The following PLXDC2 variants were observed in gnomAD, a reference collection of about 807,000 sequenced individuals.
The protein encoded by PLXDC2 is plexin domain-containing protein 2.
A neutral mutation model predicts 68.9 loss-of-function variants in PLXDC2; 40 were observed. The ratio of observed to expected loss-of-function variants is 0.58; its 90% CI spans 0.45 to 0.76. The LOEUF is 0.76. Among genes scored for constraint, PLXDC2 ranks in the 30% least tolerant of loss-of-function variants. The pLI is 0.00. For synonymous variants in PLXDC2, 243 were observed against 234.2 expected (o/e 1.04, Z -0.34); for missense variants, 644 against 661.9 (o/e 0.97, Z 0.30).
In PLXDC2 at chr10:20,282,925, G is replaced by A. The variant is rs200519339; in HGVS notation, c.*3106G>A. The A allele has an allele frequency of 3.9e-5, 6 of 152,254 alleles. No homozygotes were observed. The East Asian group carries it at 7.7e-4, about 20-fold the overall frequency. 9.4% of individuals were successfully genotyped at this position (152,254 alleles called of 1,614,324 possible). The stretch of plus-strand genomic sequence containing the variant: ...TCCAATATTATATCCACTAGCCAAC[G>A]TGGCTTTTGAAATTAAAATTAATTA... On this transcript the variant is annotated 3_prime_UTR_variant, in exon 14 of 14. Coordinates refer to ENST00000377252, the MANE Select transcript of PLXDC2 (RefSeq NM_032812.9).
intron 12 of PLXDC2, among the ~76,000 whole-genome samples, chr10:20,231,877 C>T (rs943045761): frequency 6.6e-6 from 1 of 151,776 alleles, no homozygotes; most frequent in African/African-American, 2.4e-5. Context: ...ATTAACCAGA[C>T]ATAATGGCAT....
chr10:19,970,655 A>G (rs764659095), intron 1 of PLXDC2, among the ~76,000 whole-genome samples: 2 of 152,234 alleles, frequency 1.3e-5, no homozygotes, highest in Non-Finnish European at 2.9e-5. Flanking sequence ...CATTGTGTAA[A>G]CATAAAGACA....
intron 4 of PLXDC2, among the ~76,000 whole-genome samples, chr10:20,076,254 T>C (rs1836447587): frequency 6.6e-6 from 1 of 152,178 alleles, no homozygotes; most frequent in South Asian, 2.1e-4. Flanking sequence ...TTCCCTCAAT[T>C]CCTACTTAAG....
At chr10:19,872,254 A>G (rs1418274439) in intron 1 of PLXDC2, among the ~76,000 whole-genome samples, 1 of 152,242 alleles carries the variant, frequency 6.6e-6, no homozygotes, top group Non-Finnish European at 1.5e-5. Context: ...AGCCCAGGCC[A>G]TTTCATCCCT....
chr10:19,969,305 T>C (rs897533534), intron 1 of PLXDC2, among the ~76,000 whole-genome samples: 1 of 152,218 alleles, frequency 6.6e-6, no homozygotes, highest in Non-Finnish European at 1.5e-5. Context: ...TCGGTTTCTG[T>C]TCAGTGGAAA....
At chr10:20,062,860 A>G (rs1293579604) in intron 3 of PLXDC2, among the ~76,000 whole-genome samples, 1 of 152,162 alleles carries the variant, frequency 6.6e-6, no homozygotes, top group Admixed American at 6.5e-5. Context: ...AAATAAGCCA[A>G]TATACTAGAA....
chr10:20,002,096 G>T, intron 2 of PLXDC2, 110 bp downstream of exon 2: 4 of 1,109,200 alleles, frequency 3.6e-6, no homozygotes, highest in Non-Finnish European at 5.1e-6. Context: ...AGAAATTTTG[G>T]ATTTCTTTTA....
intron 9 of PLXDC2, among the ~76,000 whole-genome samples, chr10:20,180,642 C>T (rs1477142004): frequency 1.3e-5 from 2 of 152,004 alleles, no homozygotes; most frequent in South Asian, 2.1e-4. Flanking sequence ...TTACTGAACT[C>T]TCAAGTAGGG....
chr10:19,905,998 GA>G lies in PLXDC2; in HGVS notation c.112+88818del, dbSNP rs146260310. Among the ~76,000 whole-genome samples, 133 of 144,540 alleles carry G rather than the reference GA, an allele frequency of 9.2e-4. 1 individual carries two copies. The highest frequency in any genetic ancestry group is 1.9e-3 in the African/African-American group (75 of 39,664). 94.8% of individuals were successfully genotyped at this position (144,540 alleles called of 152,430 possible). The stretch of plus-strand genomic sequence containing the variant: ...CTAGTGTTGAAGAGATACAATAGTG[GA>G]AAAAAAAAAACAACTCAAATCTCTG... On this transcript the variant is annotated intron_variant, in intron 1 of 13. Coordinates refer to ENST00000377252, the MANE Select transcript of PLXDC2 (RefSeq NM_032812.9).
Position 20,287,256 on chromosome 10 carries a change from A to G in PLXDC2, c.*7437A>G, listed in dbSNP as rs1836168035. 6.6e-6 allele frequency: 1 copy of G among 152,214 alleles called. No individual in the cohort carries two copies. The highest frequency in any genetic ancestry group is 2.1e-4 in the South Asian group (1 of 4,834). 9.4% of individuals were successfully genotyped at this position (152,214 alleles called of 1,614,324 possible). Reference sequence around the variant, plus strand: ...CATCATGGAGGCCTTTGTCCTAGAGAATTATGTGACTTGCCCTAGAGAATT... The same window carrying G: ...CATCATGGAGGCCTTTGTCCTAGAGGATTATGTGACTTGCCCTAGAGAATT... On this transcript the variant is annotated 3_prime_UTR_variant, in exon 14 of 14. Transcript: ENST00000377252.
In PLXDC2 at chr10:20,286,588, A is replaced by G. The variant is rs1836155395; in HGVS notation, c.*6769A>G. ...AACCTTCTGTGCCTATCAAACAAAT[A>G]CATAGCATGAAACTAATTTTAGAAG... On this transcript the variant is annotated 3_prime_UTR_variant, in exon 14 of 14. Coordinates refer to ENST00000377252, the MANE Select transcript of PLXDC2 (RefSeq NM_032812.9). 1 of 152,198 alleles carries G rather than the reference A, an allele frequency of 6.6e-6. No individual in the cohort carries two copies. Among genetic ancestry groups the G allele is most frequent in the African/African-American group, 2.4e-5 (1 of 41,448 alleles). The allele number at this position is 152,198 out of a possible 1,614,324, so 9.4% of individuals were successfully genotyped here.
chr10:19,830,555 A>G (rs1301300541), intron 1 of PLXDC2, among the ~76,000 whole-genome samples: 1 of 152,096 alleles, frequency 6.6e-6, no homozygotes, highest in Non-Finnish European at 1.5e-5. Context: ...TCCTTTGGTA[A>G]CAGCACCCTC....
At chr10:19,862,113 A>G (rs1305233859) in intron 1 of PLXDC2, among the ~76,000 whole-genome samples, 2 of 152,256 alleles carry the variant, frequency 1.3e-5, no homozygotes, top group African/African-American at 4.8e-5. Flanking sequence ...GGCAAGTTAT[A>G]TATCAAAAGA....
intron 4 of PLXDC2, among the ~76,000 whole-genome samples, chr10:20,089,452 G>C (rs1354962667): frequency 1.3e-5 from 2 of 152,128 alleles, no homozygotes; most frequent in Non-Finnish European, 2.9e-5. Flanking sequence ...TCAGTGACTT[G>C]TCCCTAAGAT....
intron 1 of PLXDC2, among the ~76,000 whole-genome samples, chr10:19,917,294 A>G (rs1833385492): frequency 6.6e-6 from 1 of 152,092 alleles, no homozygotes; most frequent in Non-Finnish European, 1.5e-5. Context: ...TACTGCTATA[A>G]CAACATTAAG....
chr10:19,898,133 C>A (rs765529956), intron 1 of PLXDC2, among the ~76,000 whole-genome samples: 5 of 152,172 alleles, frequency 3.3e-5, no homozygotes, highest in South Asian at 4.1e-4. Context: ...TTGAATCATT[C>A]GCTCAATAAA....
At chr10:20,164,386 T>C (rs939408405) in intron 6 of PLXDC2, 82 bp from the exon 7 acceptor site, 6 of 1,129,164 alleles carry the variant, frequency 5.3e-6, no homozygotes, top group African/African-American at 3.1e-5. Flanking sequence ...GTTTTGTCCA[T>C]GAAACAAGAG....
intron 1 of PLXDC2, among the ~76,000 whole-genome samples, chr10:19,890,046 A>G (rs150809518): frequency 0.011 from 1,693 of 152,150 alleles, 38 homozygotes; most frequent in African/African-American, 0.038. Flanking sequence ...TCATTTGTTC[A>G]TGTATTTATT....
intron 1 of PLXDC2, among the ~76,000 whole-genome samples, chr10:19,887,079 C>G (rs1837860538): frequency 6.6e-6 from 1 of 152,196 alleles, no homozygotes; most frequent in African/African-American, 2.4e-5. Flanking sequence ...CCAGAACACC[C>G]TACTTTGAAA....
Sources: gnomAD v4.1 joint callset for allele counts (sites outside exome capture counted in the v4.1 genomes callset) on GRCh38, gnomAD v4.1.1 for gene constraint, MANE v1.5 for transcripts, NCBI Gene and HGNC (gene_info 2026-07-23, HGNC 2026-07-21) for gene names.